GNB5: variants seen among roughly 807,000 people sequenced by gnomAD.
GNB5 encodes the protein G protein subunit beta 5.
GNB5 carries 37 observed loss-of-function variants against 55.3 expected under a neutral mutation model. The observed-to-expected ratio is 0.67, with a 90% confidence interval of 0.51 to 0.88. The LOEUF (loss-of-function observed/expected upper bound fraction) is 0.88. GNB5 is among the 40% of genes least tolerant of loss of function. GNB5 has a pLI of 0.00. For missense variants in GNB5, 476 were observed against 515.3 expected (o/e 0.92, Z 0.74); for synonymous variants, 219 against 198.5 (o/e 1.10, Z -0.87).
chr15:52,179,087 C>CGGT (rs910752408), intron 3 of GNB5, among the ~76,000 whole-genome samples: 1 of 152,220 alleles, frequency 6.6e-6, no homozygotes, highest in African/African-American at 2.4e-5. Context: ...TTCTGAATTA[C>CGGT]GGTGGTGGTG....
chr15:52,154,977 C>A (rs1596082785), intron 3 of GNB5, among the ~76,000 whole-genome samples: 1 of 152,158 alleles, frequency 6.6e-6, no homozygotes, highest in East Asian at 1.9e-4. Flanking sequence ...CTGAGAGGGA[C>A]AAGTTTGTAG....
At chr15:52,188,786 T>C (rs1223684172) in intron 1 of GNB5, among the ~76,000 whole-genome samples, 1 of 152,210 alleles carries the variant, frequency 6.6e-6, no homozygotes, top group Non-Finnish European at 1.5e-5. Context: ...ACCACAGAAA[T>C]ACGTGTTTAT....
At chr15:52,154,827 AAT>A (rs1389847768) in intron 3 of GNB5, among the ~76,000 whole-genome samples, 1 of 152,244 alleles carries the variant, frequency 6.6e-6, no homozygotes, top group African/African-American at 2.4e-5. Context: ...TAAAAGTCTG[AAT>A]ATATGATCCA....
At chr15:52,141,622 T>C (rs2033856121) in intron 6 of GNB5, among the ~76,000 whole-genome samples, 1 of 151,332 alleles carries the variant, frequency 6.6e-6, no homozygotes, top group Non-Finnish European at 1.5e-5. Flanking sequence ...AAAAAAAAAA[T>C]AGTATACTGA....
At chr15:52,139,888 G>T in intron 7 of GNB5, 1 of 1,286,742 alleles carries the variant, frequency 7.8e-7, no homozygotes, top group Non-Finnish European at 1.0e-6. Context: ...CCACAGAGGG[G>T]CTTCAGATGC....
At chr15:52,181,447 C>T (rs779498403) in intron 2 of GNB5, among the ~76,000 whole-genome samples, 1 of 152,150 alleles carries the variant, frequency 6.6e-6, no homozygotes. Flanking sequence ...GAAACCCTCT[C>T]TCTACTAAAA....
At chr15:52,143,378 G>C (rs1015585660) in intron 6 of GNB5, among the ~76,000 whole-genome samples, 2 of 152,072 alleles carry the variant, frequency 1.3e-5, no homozygotes, top group Non-Finnish European at 2.9e-5. Context: ...ATCCAGTGTC[G>C]AATCTCTGCT....
At chr15:52,137,305 C>T in intron 7 of GNB5, 7 of 1,105,036 alleles carry the variant, frequency 6.3e-6, no homozygotes, top group Non-Finnish European at 7.8e-6. Flanking sequence ...GGTGTGCACA[C>T]AGGAGGGTCC....
At chr15:52,176,565 G>T (rs945879544) in intron 3 of GNB5, among the ~76,000 whole-genome samples, 1 of 152,144 alleles carries the variant, frequency 6.6e-6, no homozygotes, top group African/African-American at 2.4e-5. Context: ...CGGCTGCAGG[G>T]TCAACTATGG....
At chr15:52,179,964 G>C (rs1033641030) in intron 2 of GNB5, 85 bp from the exon 3 acceptor site, 6 of 1,388,542 alleles carry the variant, frequency 4.3e-6, no homozygotes, top group African/African-American at 1.5e-5. Flanking sequence ...AGCCGTCCCC[G>C]GCCCCGAGCA....
chr15:52,187,321 A>C (rs1450901680), intron 1 of GNB5, among the ~76,000 whole-genome samples: 1 of 152,114 alleles, frequency 6.6e-6, no homozygotes, highest in Non-Finnish European at 1.5e-5. Flanking sequence ...AGTGTCATCC[A>C]CGTGGATTAT....
chr15:52,173,999 AG>A (rs2034600964), intron 3 of GNB5, among the ~76,000 whole-genome samples: 1 of 152,240 alleles, frequency 6.6e-6, no homozygotes, highest in Admixed American at 6.5e-5. Context: ...GATTAAGTTA[AG>A]GATCTTGAGA....
intron 12 of GNB5, 118 bp downstream of exon 12, chr15:52,124,355 G>T (rs780629732): frequency 1.3e-6 from 1 of 743,878 alleles, no homozygotes; most frequent in East Asian, 2.6e-5. Context: ...ATGAGAGCTC[G>T]GCGAGGCTGA....
intron 10 of GNB5, 44 bp downstream of exon 10, chr15:52,128,151 TC>T: frequency 8.0e-7 from 1 of 1,249,770 alleles, no homozygotes; most frequent in Non-Finnish European, 1.2e-6. Context: ...AGTTAGCAGA[TC>T]CCTCTATTGA....
intron 3 of GNB5, among the ~76,000 whole-genome samples, chr15:52,163,272 C>T (rs1033712923): frequency 6.6e-6 from 1 of 152,218 alleles, no homozygotes; most frequent in Admixed American, 6.5e-5. Flanking sequence ...TGGCCACACA[C>T]GGAGACCCAG....
At chr15:52,182,044 C>T (rs2034779663) in intron 2 of GNB5, among the ~76,000 whole-genome samples, 1 of 152,298 alleles carries the variant, frequency 6.6e-6, no homozygotes, top group Non-Finnish European at 1.5e-5. Flanking sequence ...GATCTGACTG[C>T]CTGGGGGCAA....
chr15:52,167,000 C>A (rs1456801238), intron 3 of GNB5, among the ~76,000 whole-genome samples: 1 of 152,036 alleles, frequency 6.6e-6, no homozygotes, highest in Non-Finnish European at 1.5e-5. Context: ...GGGATATCAC[C>A]ACTGACCCCA....
chr15:52,180,460 T>C (rs2034751094), intron 2 of GNB5: 1 of 152,230 alleles, frequency 6.6e-6, no homozygotes, highest in South Asian at 2.1e-4. Context: ...TTGATCTAAA[T>C]ATACAAAAAT....
intron 3 of GNB5, among the ~76,000 whole-genome samples, chr15:52,161,859 C>T (rs7169249): frequency 2.0e-5 from 3 of 152,276 alleles, no homozygotes; most frequent in African/African-American, 2.4e-5. Context: ...CCATGTGGAC[C>T]GGTAGTCTTC....
Sources: allele counts gnomAD v4.1 joint callset (sites outside exome capture counted in the v4.1 genomes callset), GRCh38; gene constraint gnomAD v4.1.1; transcripts MANE v1.5; gene names NCBI Gene and HGNC (gene_info 2026-07-23, HGNC 2026-07-21).